The following CNKSR3 variants were observed in gnomAD, a reference collection of about 807,000 sequenced individuals.
CNKSR3 encodes connector enhancer of kinase suppressor of ras 3.
CNKSR3 carries 36 observed loss-of-function variants against 67.7 expected under a neutral mutation model. That is an observed-to-expected ratio of 0.53 (90% CI 0.41 to 0.70). CNKSR3 has a LOEUF of 0.70. CNKSR3 is among the 30% of genes least tolerant of loss of function. The pLI, the probability that CNKSR3 is intolerant of heterozygous loss-of-function variation, is 0.00. For synonymous variants in CNKSR3, 281 were observed against 271.4 expected, an observed-to-expected ratio of 1.04 and a Z score of -0.35; for missense variants, 630 against 695.2, an observed-to-expected ratio of 0.91 and a Z score of 1.05.
intron 1 of CNKSR3, among the ~76,000 whole-genome samples, chr6:154,468,393 T>C (rs866619327): frequency 1.7e-4 from 23 of 137,218 alleles, no homozygotes; most frequent in Non-Finnish European, 3.1e-4. Context: ...ATATATTTTA[T>C]ACACACACAC....
At chr6:154,463,512 C>T (rs1043094860) in intron 1 of CNKSR3, among the ~76,000 whole-genome samples, 3 of 152,178 alleles carry the variant, frequency 2.0e-5, no homozygotes, top group Admixed American at 6.5e-5. Context: ...AAGAATCCTT[C>T]GAGTTCTTCA....
intron 9 of CNKSR3, among the ~76,000 whole-genome samples, chr6:154,419,667 A>AT (rs1785097866): frequency 6.6e-6 from 1 of 152,192 alleles, no homozygotes; most frequent in African/African-American, 2.4e-5. Context: ...TGCTGAGGAG[A>AT]TATCTGCACC....
chr6:154,458,363 C>T (rs1437754440), intron 1 of CNKSR3, among the ~76,000 whole-genome samples: 1 of 152,024 alleles, frequency 6.6e-6, no homozygotes, highest in Non-Finnish European at 1.5e-5. Context: ...AAAATGCTCC[C>T]CCCTCCCCTA....
intron 10 of CNKSR3, among the ~76,000 whole-genome samples, chr6:154,413,998 C>T (rs948222836): frequency 1.3e-5 from 2 of 152,098 alleles, no homozygotes; most frequent in Non-Finnish European, 2.9e-5. Context: ...ATCTGCCCGC[C>T]TCAGCCACCC....
At chr6:154,476,176 G>A (rs1786444496) in intron 1 of CNKSR3, among the ~76,000 whole-genome samples, 4 of 152,070 alleles carry the variant, frequency 2.6e-5, no homozygotes, top group Admixed American at 6.6e-5. Flanking sequence ...AGACCTTCGG[G>A]CCGGGCGCGG....
rs923129315 is a variant in CNKSR3, at chr6:154,451,407, A to T, written c.53-1149T>A. Among the ~76,000 whole-genome samples the T allele has an allele frequency of 2.0e-5, 3 of 152,280 alleles. No individual in the cohort carries two copies. In the South Asian group the frequency reaches 6.2e-4, roughly 31 times the overall value. ...ATATAAACTCAATCCTAACACAAAG[A>T]GTGAACACTCAATTTAACGGGAAAA... On this transcript the variant is annotated intron_variant, in intron 1 of 12. Transcript: ENST00000607772.
intron 1 of CNKSR3, among the ~76,000 whole-genome samples, chr6:154,455,674 G>C (rs151255818): frequency 3.3e-5 from 5 of 151,944 alleles, no homozygotes; most frequent in African/African-American, 1.2e-4. Context: ...CACCTGCCTC[G>C]ACCTCCCAAA....
Position 154,403,837 on chromosome 6 carries a change from G to C in CNKSR3, c.*2517C>G, listed in dbSNP as rs1035852391. On this transcript the variant is annotated 3_prime_UTR_variant, in exon 13 of 13. Coordinates refer to ENST00000607772, the MANE Select transcript of CNKSR3 (RefSeq NM_173515.4). ...TAAAGGATGGCTGTTCAATTCACAA[G>C]TGGCATTTTCCCCACAGAAAAAGAG... 6.6e-6 allele frequency: 1 copy of C among 152,176 alleles called. No individual in the cohort carries two copies. Among genetic ancestry groups the C allele is most frequent in the Non-Finnish European group, 1.5e-5 (1 of 68,044 alleles). 9.4% of individuals were successfully genotyped at this position (152,176 alleles called of 1,614,324 possible).
chr6:154,408,555 A>G (rs1784847821), intron 12 of CNKSR3, among the ~76,000 whole-genome samples: 1 of 152,220 alleles, frequency 6.6e-6, no homozygotes, highest in East Asian at 1.9e-4. Flanking sequence ...CATGTTGCAT[A>G]AGTCTATTTA....
rs965586866 is a variant in CNKSR3, at chr6:154,396,229, A to G, written c.*10125T>C. The G allele has an allele frequency of 6.6e-6, 1 of 152,210 alleles. No homozygotes were observed. The highest frequency in any genetic ancestry group is 1.5e-5 in the Non-Finnish European group (1 of 68,046). The allele number at this position is 152,210 out of a possible 1,614,324, so 9.4% of individuals were successfully genotyped here. A position where few individuals can be genotyped will look rare whatever the true frequency, so the allele number is the denominator to read the frequency against. ...TAAATGAGTTCTTTGTGGACTTCGG[A>G]AAGTGCTTACATTCTCAGCAGTTCC... On this transcript the variant is annotated 3_prime_UTR_variant, in exon 13 of 13. Transcript: ENST00000607772.
At chr6:154,459,113 GAAAGAGAAGAA>G (rs1786022145) in intron 1 of CNKSR3, among the ~76,000 whole-genome samples, 1 of 149,308 alleles carries the variant, frequency 6.7e-6, no homozygotes, top group Non-Finnish European at 1.5e-5. Flanking sequence ...GAGAAAGAAA[GAAAGAGAAGAA>G]AAAGAGAGAG....
At chr6:154,483,241 G>C (rs1786600132) in intron 1 of CNKSR3, among the ~76,000 whole-genome samples, 1 of 152,152 alleles carries the variant, frequency 6.6e-6, no homozygotes, top group Non-Finnish European at 1.5e-5. Context: ...GTCACAGCCT[G>C]TTCATCATCA....
chr6:154,495,562 A>G (rs1786861153), intron 1 of CNKSR3, among the ~76,000 whole-genome samples: 1 of 147,862 alleles, frequency 6.8e-6, no homozygotes, highest in African/African-American at 2.6e-5. Flanking sequence ...TTTTGTAGAG[A>G]CAGGCTCTCA....
At chr6:154,496,486 A>G (rs1786881129) in intron 1 of CNKSR3, among the ~76,000 whole-genome samples, 1 of 142,332 alleles carries the variant, frequency 7.0e-6, no homozygotes, top group Admixed American at 6.8e-5. Flanking sequence ...GATTGCTTTA[A>G]TAAGAGCAAA....
At chr6:154,459,658 C>T (rs1439444544) in intron 1 of CNKSR3, among the ~76,000 whole-genome samples, 1 of 152,192 alleles carries the variant, frequency 6.6e-6, no homozygotes, top group East Asian at 1.9e-4. Context: ...TGTTAGTAAC[C>T]AATGTTCTCT....
intron 2 of CNKSR3, among the ~76,000 whole-genome samples, chr6:154,442,588 C>T (rs1455989956): frequency 6.6e-6 from 1 of 152,186 alleles, no homozygotes; most frequent in East Asian, 1.9e-4. Context: ...CGCCACTGCA[C>T]TCCAGCCTGG....
intron 1 of CNKSR3, among the ~76,000 whole-genome samples, chr6:154,500,843 T>G (rs1200257431): frequency 2.0e-5 from 3 of 152,214 alleles, no homozygotes; most frequent in African/African-American, 7.2e-5. Context: ...TAAACAACCA[T>G]ATTTGCCCTT....
intron 1 of CNKSR3, among the ~76,000 whole-genome samples, chr6:154,470,253 T>G (rs554777755): frequency 7.5e-6 from 1 of 133,450 alleles, no homozygotes; most frequent in Non-Finnish European, 1.5e-5. Context: ...CAGGCTGGAG[T>G]GCAGTGGTGC....
At chr6:154,497,135 T>C (rs930799042) in intron 1 of CNKSR3, among the ~76,000 whole-genome samples, 4 of 151,960 alleles carry the variant, frequency 2.6e-5, no homozygotes, top group Admixed American at 6.6e-5. Flanking sequence ...CCCGGCACTT[T>C]GGGAGGCTGA....
Sources: allele counts gnomAD v4.1 joint callset (sites outside exome capture counted in the v4.1 genomes callset), GRCh38; gene constraint gnomAD v4.1.1; transcripts MANE v1.5; gene names NCBI Gene and HGNC (gene_info 2026-07-23, HGNC 2026-07-21).